Variants in CHST8 observed in about 807,000 individuals in gnomAD.
CHST8 encodes carbohydrate sulfotransferase 8.
In CHST8, 10 loss-of-function variants were observed where a neutral mutation model predicts 15.0. The observed-to-expected ratio is 0.67, with a 90% CI of 0.41 to 1.13. CHST8 has a LOEUF of 1.13. Among genes scored for constraint, CHST8 ranks in the 50% most tolerant of loss-of-function variants. The pLI, the probability that CHST8 is intolerant of heterozygous loss-of-function variation, is 0.00. For missense variants in CHST8, 634 were observed against 608.2 expected (o/e 1.04, Z -0.45); for synonymous variants, 259 against 256.6 (o/e 1.01, Z -0.09).
chr19:33,693,185 T>C (rs747736169), intron 3 of CHST8, among the ~76,000 whole-genome samples: 14 of 152,018 alleles, frequency 9.2e-5, no homozygotes, highest in Admixed American at 6.6e-5. Context: ...TTTGTATTTT[T>C]AGTAGAGACA....
rs186660940 is a variant in CHST8 at position 33,750,482 on chromosome 19, C to T, written c.131-20931C>T. On this transcript the variant is annotated intron_variant, in intron 3 of 4. Transcript: ENST00000650847. ...CATCCCTGTGTCCTGGGCCACTCTGCCTCTGCATCCCACACCCCGCCCCTG... is the reference window on the plus strand; with the variant it reads ...CATCCCTGTGTCCTGGGCCACTCTGTCTCTGCATCCCACACCCCGCCCCTG... Among the ~76,000 whole-genome samples, 221 of 152,280 alleles carry T rather than the reference C, an allele frequency of 1.5e-3. 1 individual carries two copies. In the Middle Eastern group the frequency reaches 0.037, roughly 26 times the overall value.
intron 3 of CHST8, among the ~76,000 whole-genome samples, chr19:33,763,669 G>A (rs991877582): frequency 5.3e-5 from 8 of 152,182 alleles, no homozygotes; most frequent in South Asian, 2.1e-4. Flanking sequence ...GCTTTTTTCC[G>A]GGCGTTCTGT....
chr19:33,739,505 G>T (rs865901787), intron 3 of CHST8, among the ~76,000 whole-genome samples: 3 of 152,206 alleles, frequency 2.0e-5, no homozygotes, highest in African/African-American at 7.2e-5. Context: ...TTAGCCTGTT[G>T]TGTGCTCAGA....
At chr19:33,659,495 T>C (rs1019688766) in intron 1 of CHST8, among the ~76,000 whole-genome samples, 1 of 152,230 alleles carries the variant, frequency 6.6e-6, no homozygotes. Flanking sequence ...ATTTTGTCTG[T>C]TGAATCCTTA....
intron 1 of CHST8, among the ~76,000 whole-genome samples, chr19:33,624,559 A>G (rs1200946913): frequency 6.6e-6 from 1 of 152,202 alleles, no homozygotes; most frequent in East Asian, 1.9e-4. Flanking sequence ...ATGTAAGCTA[A>G]TAAGTCTGGG....
intron 3 of CHST8, among the ~76,000 whole-genome samples, chr19:33,709,615 T>C (rs1471329689): frequency 6.6e-6 from 1 of 151,922 alleles, no homozygotes; most frequent in Non-Finnish European, 1.5e-5. Flanking sequence ...TGCTCAAATT[T>C]TGTTGTGGAT....
intron 3 of CHST8, among the ~76,000 whole-genome samples, chr19:33,692,719 A>C (rs139821917): frequency 6.6e-6 from 1 of 152,060 alleles, no homozygotes; most frequent in Non-Finnish European, 1.5e-5. Flanking sequence ...AAAATTCCCA[A>C]TGTACTGGCT....
At chr19:33,627,098 T>TGG (rs71181368) in intron 1 of CHST8, among the ~76,000 whole-genome samples, 1,023 of 68,686 alleles carry the variant, frequency 0.015, 16 homozygotes, top group African/African-American at 0.039. Flanking sequence ...CCTCTTTTTT[T>TGG]GGGGGGGGGG....
chr19:33,700,719 T>C (rs546091742), intron 3 of CHST8, among the ~76,000 whole-genome samples: 1 of 152,026 alleles, frequency 6.6e-6, no homozygotes, highest in East Asian at 1.9e-4. Flanking sequence ...TTATGCACAA[T>C]TGGAGGTGGG....
intron 3 of CHST8, among the ~76,000 whole-genome samples, chr19:33,692,921 A>G (rs1973125664): frequency 6.6e-6 from 1 of 151,860 alleles, no homozygotes; most frequent in Non-Finnish European, 1.5e-5. Context: ...CCATAGCACC[A>G]TCCACTTCCC....
chr19:33,724,590 T>C (rs576464157), intron 3 of CHST8, among the ~76,000 whole-genome samples: 4 of 152,312 alleles, frequency 2.6e-5, no homozygotes, highest in Admixed American at 1.3e-4. Flanking sequence ...GGCGCAAGCC[T>C]GGACAGTATT....
chr19:33,750,096 G>A (rs964052290), intron 3 of CHST8, among the ~76,000 whole-genome samples: 2 of 152,206 alleles, frequency 1.3e-5, no homozygotes, highest in Admixed American at 6.5e-5. Flanking sequence ...AGAAGGCAGG[G>A]CCCCTCGCCA....
intron 3 of CHST8, among the ~76,000 whole-genome samples, chr19:33,712,249 C>T (rs976199884): frequency 3.9e-5 from 6 of 152,188 alleles, no homozygotes; most frequent in Admixed American, 3.3e-4. Flanking sequence ...AGGGGGGATT[C>T]CCATCCATGG....
chr19:33,767,163 G>T (rs1321708313), intron 3 of CHST8, among the ~76,000 whole-genome samples: 1 of 152,212 alleles, frequency 6.6e-6, no homozygotes, highest in East Asian at 1.9e-4. Context: ...ACCTGGGGCT[G>T]GGGGAGGCCA....
chr19:33,660,953 A>C (rs1972577778), intron 1 of CHST8, among the ~76,000 whole-genome samples: 1 of 152,134 alleles, frequency 6.6e-6, no homozygotes, highest in Non-Finnish European at 1.5e-5. Flanking sequence ...TTTGGGGCCC[A>C]CCTGTCCTGC....
At chr19:33,730,689 G>A (rs1475385718) in intron 3 of CHST8, among the ~76,000 whole-genome samples, 1 of 152,248 alleles carries the variant, frequency 6.6e-6, no homozygotes, top group Non-Finnish European at 1.5e-5. Flanking sequence ...TAAGATAGAT[G>A]TATGTATGAG....
rs371105579 is a variant in CHST8 at position 33,648,079 on chromosome 19, G to T, written c.-163-19688G>T. On this transcript the variant is annotated intron_variant, in intron 1 of 4. Coordinates refer to ENST00000650847, the MANE Select transcript of CHST8 (RefSeq NM_001127895.2). ...TGAGAAGCTTAGAGTATTGGAGCTGGTGGATGTGGGGGATTGGCCATAGGT... is the reference window on the plus strand; with the variant it reads ...TGAGAAGCTTAGAGTATTGGAGCTGTTGGATGTGGGGGATTGGCCATAGGT... Among the ~76,000 whole-genome samples, 13 of 152,182 alleles carry T rather than the reference G, an allele frequency of 8.5e-5. No individual in the cohort carries two copies. The South Asian group carries it at 2.3e-3, about 27-fold the overall frequency.
chr19:33,759,602 C>T (rs1306969601), intron 3 of CHST8, among the ~76,000 whole-genome samples: 14 of 152,218 alleles, frequency 9.2e-5, no homozygotes, highest in Non-Finnish European at 1.2e-4. Context: ...GTCTGCCCCC[C>T]GCACCTCTGA....
At chr19:33,712,359 A>G (rs1055083630) in intron 3 of CHST8, among the ~76,000 whole-genome samples, 1 of 152,136 alleles carries the variant, frequency 6.6e-6, no homozygotes, top group African/African-American at 2.4e-5. Flanking sequence ...CAGGGGTTGC[A>G]CTCGGAAACA....
Sources: gnomAD v4.1 joint callset for allele counts (sites outside exome capture counted in the v4.1 genomes callset) on GRCh38, gnomAD v4.1.1 for gene constraint, MANE v1.5 for transcripts, NCBI Gene and HGNC (gene_info 2026-07-23, HGNC 2026-07-21) for gene names.